NTRK3: variants seen among roughly 807,000 people sequenced by gnomAD.
The protein encoded by NTRK3 is neurotrophic receptor tyrosine kinase 3.
In NTRK3, 24 loss-of-function variants were observed where a neutral mutation model predicts 91.7. The observed-to-expected ratio is 0.26, with a 90% CI of 0.19 to 0.37. The LOEUF is 0.37. NTRK3 is among the 10% of genes least tolerant of loss of function. The pLI is 1.00. For missense variants in NTRK3, 880 were observed against 1,068.9 expected (o/e 0.82, Z 2.46); for synonymous variants, 483 against 404.0 (o/e 1.20, Z -2.34).
chr15:87,915,764 C>T (rs1000276153), intron 17 of NTRK3, among the ~76,000 whole-genome samples: 4 of 152,042 alleles, frequency 2.6e-5, no homozygotes, highest in African/African-American at 9.7e-5. Flanking sequence ...TATTGGGTGC[C>T]TAATGGGTAC....
At chr15:88,253,968 A>G (rs1598204268) in intron 3 of NTRK3, among the ~76,000 whole-genome samples, 1 of 152,196 alleles carries the variant, frequency 6.6e-6, no homozygotes. Context: ...CTGTGTGGCT[A>G]TAAAGAGCCT....
At chr15:87,893,464 G>A (rs942677281) in intron 17 of NTRK3, among the ~76,000 whole-genome samples, 7 of 152,150 alleles carry the variant, frequency 4.6e-5, no homozygotes, top group African/African-American at 1.4e-4. Flanking sequence ...TTCCACTCTG[G>A]GGAATCTCCT....
chr15:87,996,404 A>G (rs2075707509), intron 14 of NTRK3, among the ~76,000 whole-genome samples: 1 of 152,148 alleles, frequency 6.6e-6, no homozygotes, highest in Non-Finnish European at 1.5e-5. Flanking sequence ...GGATCGCTGA[A>G]GGAGAACCAA....
intron 14 of NTRK3, among the ~76,000 whole-genome samples, chr15:87,960,939 A>G (rs1567156410): frequency 6.6e-6 from 1 of 151,940 alleles, no homozygotes; most frequent in East Asian, 1.9e-4. Context: ...TTTCACTCTC[A>G]CTTCTACCAC....
intron 13 of NTRK3, among the ~76,000 whole-genome samples, 183 bp from the exon 14 acceptor site, chr15:88,033,228 T>G (rs1411943431): frequency 2.0e-5 from 2 of 98,676 alleles, no homozygotes; most frequent in African/African-American, 9.8e-5. Flanking sequence ...ATTCAGTTGT[T>G]TGGGTTTCTG....
chr15:87,934,593 G>T (rs2069104089), intron 15 of NTRK3, among the ~76,000 whole-genome samples: 1 of 152,112 alleles, frequency 6.6e-6, no homozygotes. Flanking sequence ...TGTATCTGGG[G>T]GGGTCCATCA....
chr15:88,085,313 C>T (rs1207710649), intron 13 of NTRK3, among the ~76,000 whole-genome samples: 2 of 152,206 alleles, frequency 1.3e-5, no homozygotes, highest in African/African-American at 4.8e-5. Flanking sequence ...GTCTCTGCCC[C>T]ACTGACTCTG....
chr15:87,954,911 G>T (rs186926811), intron 14 of NTRK3, among the ~76,000 whole-genome samples: 3 of 152,274 alleles, frequency 2.0e-5, no homozygotes, highest in East Asian at 3.9e-4. Flanking sequence ...TGCACAAGTA[G>T]CACAATTCTT....
intron 9 of NTRK3, among the ~76,000 whole-genome samples, 195 bp downstream of exon 9, chr15:88,135,704 G>A (rs2041810529): frequency 6.6e-6 from 1 of 152,144 alleles, no homozygotes; most frequent in South Asian, 2.1e-4. Flanking sequence ...ATCTTCTGAG[G>A]GACAAAGGTG....
At chr15:87,873,581 G>A (rs772843061) in exon 19 of NTRK3, 24 of 231,766 alleles carry the variant, frequency 1.0e-4, no homozygotes, top group African/African-American at 2.0e-4. Context: ...TCTCAGAGGC[G>A]ATGTGACATG....
At chr15:88,250,732 C>G (rs2053262776) in intron 3 of NTRK3, among the ~76,000 whole-genome samples, 1 of 152,216 alleles carries the variant, frequency 6.6e-6, no homozygotes. Context: ...CAAGTGCCAA[C>G]CCTCCCAATC....
chr15:88,103,343 C>A (rs2050368786), intron 13 of NTRK3, among the ~76,000 whole-genome samples: 1 of 152,142 alleles, frequency 6.6e-6, no homozygotes, highest in South Asian at 2.1e-4. Context: ...ATATCAACTC[C>A]TGCCTGAGTT....
intron 14 of NTRK3, among the ~76,000 whole-genome samples, chr15:87,963,854 C>T (rs1442590065): frequency 6.6e-6 from 1 of 152,154 alleles, no homozygotes; most frequent in Non-Finnish European, 1.5e-5. Flanking sequence ...TTATAGGGGT[C>T]ATACGGCTTT....
intron 16 of NTRK3, chr15:87,931,094 C>G (rs1334494096): frequency 7.6e-6 from 3 of 395,636 alleles, no homozygotes; most frequent in East Asian, 7.2e-5. Context: ...TTCTTCCACT[C>G]CTTATCTTTA....
chr15:88,165,800 C>A (rs974735744), intron 5 of NTRK3, among the ~76,000 whole-genome samples: 1 of 152,172 alleles, frequency 6.6e-6, no homozygotes, highest in Non-Finnish European at 1.5e-5. Context: ...CCTGAGTCCA[C>A]GTGTCTAATT....
At chr15:88,093,122 A>G (rs2150778136) in intron 13 of NTRK3, among the ~76,000 whole-genome samples, 1 of 151,032 alleles carries the variant, frequency 6.6e-6, no homozygotes, top group South Asian at 2.1e-4. Flanking sequence ...CTACCACAGA[A>G]GGTAAAACCA....
exon 19 of NTRK3, chr15:87,873,028 G>T (rs982352728): frequency 8.6e-6 from 2 of 232,840 alleles, no homozygotes; most frequent in Non-Finnish European, 1.7e-5. Flanking sequence ...TACTCTCCCG[G>T]CATGGCTGAC....
intron 13 of NTRK3, among the ~76,000 whole-genome samples, chr15:88,069,484 G>A (rs753998738): frequency 1.3e-5 from 2 of 152,162 alleles, no homozygotes; most frequent in East Asian, 1.9e-4. Flanking sequence ...GCGGTGTCAG[G>A]GGGAGCAATG....
intron 17 of NTRK3, among the ~76,000 whole-genome samples, chr15:87,913,261 G>A (rs142963446): frequency 1.3e-5 from 2 of 152,052 alleles, no homozygotes; most frequent in East Asian, 1.9e-4. Flanking sequence ...AAGCAGATCC[G>A]CCTGGCAAAC....
Sources: gnomAD v4.1 joint callset for allele counts (sites outside exome capture counted in the v4.1 genomes callset) on GRCh38, gnomAD v4.1.1 for gene constraint, MANE v1.5 for transcripts, NCBI Gene and HGNC (gene_info 2026-07-23, HGNC 2026-07-21) for gene names.